The following INTS4 variants were observed in gnomAD, a reference collection of about 807,000 sequenced individuals.
The protein encoded by INTS4 is integrator complex subunit 4.
Under a neutral mutation model 119.5 loss-of-function variants are expected in INTS4, and 70 were observed. The observed-to-expected ratio is 0.59, with a 90% CI of 0.48 to 0.71. INTS4 has a LOEUF of 0.71. Among genes scored for constraint, INTS4 ranks in the 30% least tolerant of loss-of-function variants. The pLI is 0.00. For missense variants in INTS4, 867 were observed against 1,173.2 expected, an observed-to-expected ratio of 0.74 and a Z score of 3.81; for synonymous variants, 316 against 419.6, an observed-to-expected ratio of 0.75 and a Z score of 3.02.
At chr11:77,888,419 T>C (rs1952113572) in intron 21 of INTS4, among the ~76,000 whole-genome samples, 2 of 152,172 alleles carry the variant, frequency 1.3e-5, no homozygotes, top group South Asian at 4.1e-4. Context: ...ATACAAAAAT[T>C]AATTCAAGAT....
At chr11:77,933,422 C>T (rs1953708356) in intron 10 of INTS4, among the ~76,000 whole-genome samples, 2 of 152,124 alleles carry the variant, frequency 1.3e-5, no homozygotes, top group African/African-American at 2.4e-5. Context: ...GACGGGGTTT[C>T]GCTGTGTTGG....
At chr11:77,967,853 A>C (rs888603419) in intron 4 of INTS4, among the ~76,000 whole-genome samples, 3 of 152,218 alleles carry the variant, frequency 2.0e-5, no homozygotes, top group Non-Finnish European at 4.4e-5. Flanking sequence ...AACAAAAGAG[A>C]CATGAAAACT....
chr11:77,956,755 T>A, intron 7 of INTS4, among the ~76,000 whole-genome samples: 1 of 91,588 alleles, frequency 1.1e-5, no homozygotes, highest in South Asian at 3.4e-4. Flanking sequence ...ATAATAATAA[T>A]AATAAACAAA....
chr11:77,978,861 C>G, intron 4 of INTS4, 135 bp downstream of exon 4: 1 of 572,684 alleles, frequency 1.7e-6, no homozygotes. Flanking sequence ...CACTTTATAA[C>G]AAGTGTACTT....
At chr11:77,934,306 C>T (rs1461761815) in intron 10 of INTS4, among the ~76,000 whole-genome samples, 3 of 151,260 alleles carry the variant, frequency 2.0e-5, no homozygotes, top group Non-Finnish European at 4.4e-5. Flanking sequence ...TGTTCACTTG[C>T]TTATCTGCTG....
At chr11:77,950,718 TTTTG>T (rs200973796) in intron 8 of INTS4, among the ~76,000 whole-genome samples, 19,759 of 151,980 alleles carry the variant, frequency 0.13, 1,461 homozygotes, top group East Asian at 0.25. Flanking sequence ...ATGTGTCAAT[TTTTG>T]TTTGTTTGTT....
rs777966254 is a variant in INTS4 at position 77,963,352 on chromosome 11, C to CAAAAAA, written c.472-2220_472-2215dup. The CAAAAAA allele has an allele frequency of 1.7e-3, 300 of 176,966 alleles. 3 individuals are homozygous for CAAAAAA. The highest frequency in any genetic ancestry group is 2.1e-3 in the Middle Eastern group (1 of 470). 11.0% of individuals were successfully genotyped at this position (176,966 alleles called of 1,614,324 possible). A position where few individuals can be genotyped will look rare whatever the true frequency, so the allele number is the denominator to read the frequency against. Reference sequence around the variant, plus strand: ...CCGGGCGCAGAACGAGACTCCGTCTCAAAAAAAAAAAAAAAAAAAAAACAA... The same window carrying CAAAAAA: ...CCGGGCGCAGAACGAGACTCCGTCTCAAAAAAAAAAAAAAAAAAAAAAAAAAAACAA... On this transcript the variant is annotated intron_variant, in intron 4 of 22. Coordinates refer to ENST00000534064, the MANE Select transcript of INTS4 (RefSeq NM_033547.4).
chr11:77,935,915 G>GA (rs1342245136), intron 10 of INTS4, among the ~76,000 whole-genome samples: 8 of 134,756 alleles, frequency 5.9e-5, no homozygotes, highest in East Asian at 4.3e-4. Context: ...AAAAAGAAAA[G>GA]AAGAGGTTTT....
At chr11:77,979,344 G>A (rs532756372) in intron 3 of INTS4, among the ~76,000 whole-genome samples, 1 of 152,100 alleles carries the variant, frequency 6.6e-6, no homozygotes, top group South Asian at 2.1e-4. Context: ...GCCAGGTGGT[G>A]TGCGCCCAGA....
Position 77,922,664 on chromosome 11 carries a change from A to G in INTS4, c.1515-193T>C, listed in dbSNP as rs1473245486. ...GTTAATTCATCTAAAAAAACTGGTT[A>G]TTATAAAGATAAAAGAACTGGTTAT... is the stretch of plus-strand genomic sequence containing the variant. On this transcript the variant is annotated intron_variant, in intron 12 of 22. Transcript: ENST00000534064. 3.6e-6 allele frequency: 3 copies of G among 823,844 alleles called. No homozygotes were observed. In the Admixed American group the frequency reaches 8.9e-5, roughly 25 times the overall value. The allele number at this position is 823,844 out of a possible 1,614,324, so 51.0% of individuals were successfully genotyped here.
At chr11:77,882,529 A>G (rs1951833517) in intron 22 of INTS4, among the ~76,000 whole-genome samples, 1 of 152,212 alleles carries the variant, frequency 6.6e-6, no homozygotes, top group Admixed American at 6.5e-5. Flanking sequence ...TCCCTTCAGC[A>G]GAAGATATTA....
Position 77,928,616 on chromosome 11 carries a change from C to T in INTS4, c.1166-69G>A. 3 of 1,534,824 alleles carry T rather than the reference C, an allele frequency of 2.0e-6. No homozygotes were observed. In the South Asian group the frequency reaches 3.7e-5, roughly 19 times the overall value. ...GTGGCTCACGCCTGTAATCCCAGCACTTTGGGAGGCCAAGGGAGGCAGATC... is the reference window on the plus strand; with the variant it reads ...GTGGCTCACGCCTGTAATCCCAGCATTTTGGGAGGCCAAGGGAGGCAGATC... On this transcript the variant is annotated intron_variant, in intron 10 of 22. Transcript: ENST00000534064.
At chr11:77,902,870 C>T (rs1291557781) in intron 17 of INTS4, among the ~76,000 whole-genome samples, 1 of 152,108 alleles carries the variant, frequency 6.6e-6, no homozygotes, top group African/African-American at 2.4e-5. Context: ...GACCTTTTAA[C>T]GTTGAAGAGA....
chr11:77,942,297 G>A (rs898021179), intron 8 of INTS4, among the ~76,000 whole-genome samples: 5 of 152,170 alleles, frequency 3.3e-5, no homozygotes, highest in African/African-American at 7.2e-5. Context: ...GGTACAGGCA[G>A]GGAGAGGTAT....
intron 15 of INTS4, chr11:77,911,031 C>A: frequency 7.8e-7 from 1 of 1,289,022 alleles, no homozygotes. Flanking sequence ...CATCAGGTTT[C>A]ACAGTAGCCT....
At chr11:77,948,160 C>T (rs550220219) in intron 8 of INTS4, among the ~76,000 whole-genome samples, 2 of 149,772 alleles carry the variant, frequency 1.3e-5, no homozygotes, top group African/African-American at 4.9e-5. Flanking sequence ...ACTGAAGACT[C>T]TGTAGTAACT....
At chr11:77,974,741 C>G (rs1855878159) in intron 4 of INTS4, among the ~76,000 whole-genome samples, 1 of 151,816 alleles carries the variant, frequency 6.6e-6, no homozygotes, top group Non-Finnish European at 1.5e-5. Context: ...AGCTGGACTA[C>G]AGGTACAAGC....
At chr11:77,958,667 A>G (rs1954389274) in intron 7 of INTS4, 79 bp downstream of exon 7, 1 of 800,394 alleles carries the variant, frequency 1.2e-6, no homozygotes. Context: ...TTTCTTTTCT[A>G]GAAGTGGGCT....
At chr11:77,959,359 G>A (rs1176484027) in intron 6 of INTS4, among the ~76,000 whole-genome samples, 1 of 152,034 alleles carries the variant, frequency 6.6e-6, no homozygotes, top group Non-Finnish European at 1.5e-5. Context: ...TTCTCTTCAT[G>A]GATGTCCCAT....
Sources: allele counts gnomAD v4.1 joint callset (sites outside exome capture counted in the v4.1 genomes callset), GRCh38; gene constraint gnomAD v4.1.1; transcripts MANE v1.5; gene names NCBI Gene and HGNC (gene_info 2026-07-23, HGNC 2026-07-21).